BRAF: variants seen among roughly 807,000 people sequenced by gnomAD.
The protein encoded by BRAF is B-Raf proto-oncogene, serine/threonine kinase, also known as serine/threonine-protein kinase B-raf.
Under a neutral mutation model 104.6 loss-of-function variants are expected in BRAF, and 16 were observed. That is an observed-to-expected ratio of 0.15 (90% confidence interval 0.10 to 0.23). The LOEUF (loss-of-function observed/expected upper bound fraction) is 0.23. BRAF is among the 10% of genes least tolerant of loss of function. The pLI is 1.00. For synonymous variants in BRAF, 310 were observed against 341.6 expected, an observed-to-expected ratio of 0.91 and a Z score of 1.02; for missense variants, 541 against 937.3, an observed-to-expected ratio of 0.58 and a Z score of 5.52.
At chr7:140,821,432 G>C (rs1805475178) in intron 3 of BRAF, among the ~76,000 whole-genome samples, 1 of 151,386 alleles carries the variant, frequency 6.6e-6, no homozygotes, top group South Asian at 2.1e-4. Context: ...CAAGTAACTG[G>C]GATTACAGGT....
intron 1 of BRAF, among the ~76,000 whole-genome samples, chr7:140,909,379 T>C (rs896535109): frequency 2.6e-5 from 4 of 152,144 alleles, no homozygotes; most frequent in South Asian, 2.1e-4. Flanking sequence ...GAGCACGCCA[T>C]TGTACTCCAC....
At chr7:140,880,958 A>C (rs1286138306) in intron 1 of BRAF, among the ~76,000 whole-genome samples, 2 of 152,310 alleles carry the variant, frequency 1.3e-5, no homozygotes, top group African/African-American at 4.8e-5. Context: ...ACCCTGTCTC[A>C]AAACAAAAAA....
chr7:140,812,036 T>C lies in BRAF; in HGVS notation c.505-3041A>G, dbSNP rs1804325292. Reference sequence around the variant, plus strand: ...GTTTTAAACCACATCCAATGTATCCTATCCTATGTTACCATAGAAATCTTT... The same window carrying C: ...GTTTTAAACCACATCCAATGTATCCCATCCTATGTTACCATAGAAATCTTT... On this transcript the variant is annotated intron_variant, in intron 3 of 19. Transcript: ENST00000644969. Among the ~76,000 whole-genome samples, 12 of 152,208 alleles carry C rather than the reference T, an allele frequency of 7.9e-5. No individual in the cohort carries two copies. In the South Asian group the frequency reaches 2.5e-3, roughly 31 times the overall value.
chr7:140,887,690 C>G (rs1275966212), intron 1 of BRAF, among the ~76,000 whole-genome samples: 1 of 152,066 alleles, frequency 6.6e-6, no homozygotes, highest in East Asian at 1.9e-4. Flanking sequence ...ATGTGTTCAT[C>G]TAGAAACTTA....
chr7:140,839,272 C>A (rs1322291320), intron 2 of BRAF, among the ~76,000 whole-genome samples: 1 of 152,100 alleles, frequency 6.6e-6, no homozygotes, highest in Non-Finnish European at 1.5e-5. Context: ...GCCAGGAGTT[C>A]AAGACCTGAC....
chr7:140,896,428 T>G (rs1208614317), intron 1 of BRAF, among the ~76,000 whole-genome samples: 2 of 151,924 alleles, frequency 1.3e-5, no homozygotes, highest in Non-Finnish European at 2.9e-5. Flanking sequence ...CTATAAACCT[T>G]TTAAGGAAAA....
At chr7:140,829,959 C>T (rs553848666) in intron 3 of BRAF, among the ~76,000 whole-genome samples, 4 of 152,018 alleles carry the variant, frequency 2.6e-5, no homozygotes, top group Non-Finnish European at 5.9e-5. Context: ...TATCTTTTTT[C>T]TCATATTTGC....
rs375885670 is a variant in BRAF, at chr7:140,757,181, G to A, written c.1815-2948C>T. On this transcript the variant is annotated intron_variant, in intron 14 of 19. Transcript: ENST00000644969. ...ACAATAAATAGAATTTTTAAAAAAG[G>A]GCACAAAAAGGATTATATTCAATTA... Among the ~76,000 whole-genome samples the A allele has an allele frequency of 5.7e-4, 86 of 152,092 alleles. 1 individual carries two copies. The East Asian group carries it at 0.016, about 28-fold the overall frequency.
intron 1 of BRAF, among the ~76,000 whole-genome samples, chr7:140,851,800 T>C (rs1158830053): frequency 6.6e-6 from 1 of 152,232 alleles, no homozygotes; most frequent in Non-Finnish European, 1.5e-5. Flanking sequence ...CATGTTTTAA[T>C]TTGTATTTCT....
chr7:140,801,175 G>C (rs903391390), intron 6 of BRAF: 1 of 465,084 alleles, frequency 2.2e-6, no homozygotes, highest in Non-Finnish European at 3.8e-6. Flanking sequence ...TAGGGGTCTT[G>C]ATTAATTAAA....
intron 1 of BRAF, among the ~76,000 whole-genome samples, chr7:140,917,131 G>T (rs2129145054): frequency 6.6e-6 from 1 of 152,314 alleles, no homozygotes; most frequent in South Asian, 2.1e-4. Flanking sequence ...CGCGATCTCG[G>T]CTCACTACAA....
At chr7:140,884,084 G>A (rs1203128889) in intron 1 of BRAF, 1 of 152,108 alleles carries the variant, frequency 6.6e-6, no homozygotes. Context: ...GCTTGCTTCA[G>A]CAGCACATAT....
chr7:140,903,990 C>G (rs550047553), intron 1 of BRAF, among the ~76,000 whole-genome samples: 1 of 152,214 alleles, frequency 6.6e-6, no homozygotes, highest in Non-Finnish European at 1.5e-5. Context: ...TTGACATGAA[C>G]TCTACTCTTG....
rs1346480841 is a variant in BRAF, at chr7:140,910,447, C to T, written c.138+14119G>A. On this transcript the variant is annotated intron_variant, in intron 1 of 19. Coordinates refer to ENST00000644969, the MANE Select transcript of BRAF (RefSeq NM_001374258.1). ...ATGCATGCTTTGTCTCTTCAATTAA[C>T]AGTGTTATTGTTTAGAAGACTTTTT... Among the ~76,000 whole-genome samples the T allele has an allele frequency of 2.6e-5, 4 of 152,172 alleles. No homozygotes were observed. In the East Asian group the frequency reaches 7.7e-4, roughly 29 times the overall value.
chr7:140,756,719 G>C (rs1417143541), intron 14 of BRAF, among the ~76,000 whole-genome samples: 2 of 152,190 alleles, frequency 1.3e-5, no homozygotes, highest in Non-Finnish European at 2.9e-5. Context: ...GTTAAGGAGA[G>C]CATTACAGTT....
At chr7:140,920,422 C>T (rs145813232) in intron 1 of BRAF, among the ~76,000 whole-genome samples, 72 of 152,338 alleles carry the variant, frequency 4.7e-4, no homozygotes, top group African/African-American at 1.7e-3. Flanking sequence ...TTCCCTCCCT[C>T]TCTTCCCCAT....
At chr7:140,846,502 G>T (rs1207759578) in intron 2 of BRAF, among the ~76,000 whole-genome samples, 2 of 152,118 alleles carry the variant, frequency 1.3e-5, no homozygotes, top group African/African-American at 4.8e-5. Context: ...TAGAATGGTG[G>T]TTGCTACGAA....
chr7:140,720,482 T>C lies in BRAF; in HGVS notation c.*6012A>G, dbSNP rs1267730011. The C allele has an allele frequency of 4.7e-6, 5 of 1,064,194 alleles. No individual in the cohort carries two copies. The East Asian group carries it at 1.5e-4, about 32-fold the overall frequency. The allele number at this position is 1,064,194 out of a possible 1,614,324, so 65.9% of individuals were successfully genotyped here. ...TGAATAAAAAGGCATTATATGTTGA[T>C]ATAGCTGGTTTTAATCAGCTATGGA... On this transcript the variant is annotated 3_prime_UTR_variant, in exon 20 of 20. Coordinates refer to ENST00000644969, the MANE Select transcript of BRAF (RefSeq NM_001374258.1).
rs565583018 is a variant in BRAF at position 140,723,182 on chromosome 7, G to A, written c.*3312C>T. The stretch of plus-strand genomic sequence containing the variant: ...GCGGGTGGATGTACAGTGGGGACAG[G>A]TGAGATCTGAGGAGGATGTGCAGCA... On this transcript the variant is annotated 3_prime_UTR_variant, in exon 20 of 20. Coordinates refer to ENST00000644969, the MANE Select transcript of BRAF (RefSeq NM_001374258.1). The A allele has an allele frequency of 8.9e-4, 943 of 1,054,278 alleles. No individual in the cohort carries two copies. Among genetic ancestry groups the A allele is most frequent in the Non-Finnish European group, 1.0e-3 (876 of 872,626 alleles). The allele number at this position is 1,054,278 out of a possible 1,614,324, so 65.3% of individuals were successfully genotyped here. A position where few individuals can be genotyped will look rare whatever the true frequency, so the allele number is the denominator to read the frequency against.
Sources: gnomAD v4.1 joint callset for allele counts (sites outside exome capture counted in the v4.1 genomes callset) on GRCh38, gnomAD v4.1.1 for gene constraint, MANE v1.5 for transcripts, NCBI Gene and HGNC (gene_info 2026-07-23, HGNC 2026-07-21) for gene names.